TTLL11: variants seen among roughly 807,000 people sequenced by gnomAD.
The protein encoded by TTLL11 is tubulin tyrosine ligase like 11.
TTLL11 carries 42 observed loss-of-function variants against 51.7 expected under a neutral mutation model. The ratio of observed to expected loss-of-function variants is 0.81; its 90% CI spans 0.64 to 1.05. TTLL11 has a LOEUF of 1.05. Among genes scored for constraint, TTLL11 ranks in the 50% least tolerant of loss-of-function variants. The pLI is 0.00. For synonymous variants in TTLL11, 381 were observed against 383.5 expected, an observed-to-expected ratio of 0.99 and a Z score of 0.08; for missense variants, 799 against 940.4, an observed-to-expected ratio of 0.85 and a Z score of 1.97.
chr9:121,970,927 T>A (rs558208384), intron 6 of TTLL11, among the ~76,000 whole-genome samples: 1 of 152,348 alleles, frequency 6.6e-6, no homozygotes, highest in African/African-American at 2.4e-5. Context: ...CTAGTCACAA[T>A]AGCAAAGACT....
At chr9:122,039,054 T>C (rs1844774398) in intron 2 of TTLL11, among the ~76,000 whole-genome samples, 1 of 152,218 alleles carries the variant, frequency 6.6e-6, no homozygotes, top group African/African-American at 2.4e-5. Flanking sequence ...GTGGAAACCA[T>C]GTTCTTCCAC....
At chr9:121,885,435 G>C (rs1838973935) in intron 6 of TTLL11, 1 of 152,228 alleles carries the variant, frequency 6.6e-6, no homozygotes, top group East Asian at 1.9e-4. Flanking sequence ...AACCACAAAG[G>C]CTGTGGGGTC....
At chr9:121,957,050 A>G (rs7862975) in intron 6 of TTLL11, among the ~76,000 whole-genome samples, 48,828 of 151,950 alleles carry the variant, frequency 0.32, 8,103 homozygotes, top group Middle Eastern at 0.36. Flanking sequence ...TGCCCTCCCC[A>G]CTGCATGTTG....
chr9:121,838,738 AAGAAAGAG>A (rs1837254022), intron 8 of TTLL11, among the ~76,000 whole-genome samples: 1 of 150,898 alleles, frequency 6.6e-6, no homozygotes, highest in African/African-American at 2.5e-5. Flanking sequence ...AAAAGAAAGA[AAGAAAGAG>A]AGAAAGAAAG....
chr9:121,989,036 G>T lies in TTLL11; in HGVS notation c.1269+159C>A. ...CACACAGGGAGCAAACAGAAAGCTT[G>T]GAAGTTGGGCCCAGGTTTAACACCC... is the stretch of plus-strand genomic sequence containing the variant. On this transcript the variant is annotated intron_variant, in intron 4 of 8. Coordinates refer to ENST00000321582, the MANE Select transcript of TTLL11 (RefSeq NM_001139442.2). This position sits in a 1 kb window ranked among gnomAD's most constrained non-coding sequence, Gnocchi z 4.2. 1 of 1,495,526 alleles carries T rather than the reference G, an allele frequency of 6.7e-7. No individual in the cohort carries two copies. The highest frequency in any genetic ancestry group is 8.9e-7 in the Non-Finnish European group (1 of 1,122,462). 92.6% of individuals were successfully genotyped at this position (1,495,526 alleles called of 1,614,324 possible). A position where few individuals can be genotyped will look rare whatever the true frequency, so the allele number is the denominator to read the frequency against.
intron 6 of TTLL11, among the ~76,000 whole-genome samples, chr9:121,959,881 T>C (rs929095372): frequency 2.6e-5 from 4 of 152,004 alleles, no homozygotes; most frequent in Non-Finnish European, 4.4e-5. Flanking sequence ...GTGATCTGTA[T>C]TATACATTGG....
At chr9:122,085,932 TACA>T (rs1846110996) in intron 1 of TTLL11, among the ~76,000 whole-genome samples, 1 of 152,204 alleles carries the variant, frequency 6.6e-6, no homozygotes, top group African/African-American at 2.4e-5. Flanking sequence ...AACTACAAAA[TACA>T]ACACTTCCCC....
rs373659371 is a variant in TTLL11 at position 121,916,714 on chromosome 9, T to C, written c.1482-45966A>G. On this transcript the variant is annotated intron_variant, in intron 6 of 8. Transcript: ENST00000321582. ...CCAGCTTGAAGGAATCATGAGCACA[T>C]GTCAGGCTCGAGGACAGCTACCCAC... Among the ~76,000 whole-genome samples, 10 of 152,196 alleles carry C rather than the reference T, an allele frequency of 6.6e-5. No homozygotes were observed. The East Asian group carries it at 1.9e-3, about 29-fold the overall frequency.
At chr9:122,034,064 C>T (rs1025960122) in intron 2 of TTLL11, among the ~76,000 whole-genome samples, 5 of 152,226 alleles carry the variant, frequency 3.3e-5, no homozygotes, top group African/African-American at 1.2e-4. Context: ...CCGTATTGAA[C>T]TGAAAGCCTT....
intron 1 of TTLL11, among the ~76,000 whole-genome samples, chr9:122,085,156 A>T (rs560303890): frequency 6.6e-6 from 1 of 152,262 alleles, no homozygotes; most frequent in South Asian, 2.1e-4. Context: ...GCTACTCAGG[A>T]GGCTGAGGCA....
intron 7 of TTLL11, among the ~76,000 whole-genome samples, chr9:121,865,558 G>A (rs1306920414): frequency 1.3e-5 from 2 of 152,002 alleles, no homozygotes; most frequent in East Asian, 1.9e-4. Flanking sequence ...ATTTTCCTTC[G>A]TGAATTACAT....
At chr9:122,086,830 TA>T (rs1846140228) in intron 1 of TTLL11, among the ~76,000 whole-genome samples, 1 of 152,252 alleles carries the variant, frequency 6.6e-6, no homozygotes, top group Admixed American at 6.5e-5. Context: ...TAGAGAATCA[TA>T]AAACACTTAA....
intron 6 of TTLL11, among the ~76,000 whole-genome samples, chr9:121,920,056 C>T (rs1002576679): frequency 6.6e-6 from 1 of 151,762 alleles, no homozygotes; most frequent in African/African-American, 2.4e-5. Flanking sequence ...CACTCAAGCA[C>T]TTTGGGAGAC....
chr9:121,924,762 C>CTTTT (rs762402616), intron 6 of TTLL11, among the ~76,000 whole-genome samples: 1 of 139,398 alleles, frequency 7.2e-6, no homozygotes, highest in Non-Finnish European at 1.6e-5. Context: ...ATAACAAGCA[C>CTTTT]TTTTTTTTTT....
intron 8 of TTLL11, among the ~76,000 whole-genome samples, chr9:121,843,706 C>T (rs143184150): frequency 0.026 from 3,898 of 152,008 alleles, 107 homozygotes; most frequent in African/African-American, 0.073. Flanking sequence ...AGGGTCTTGC[C>T]CTGTCACCCA....
intron 3 of TTLL11, among the ~76,000 whole-genome samples, chr9:122,019,642 G>C (rs12348870): frequency 0.044 from 6,696 of 152,142 alleles, 175 homozygotes; most frequent in African/African-American, 0.074. Context: ...GTAGAGACAG[G>C]GTTTCGTCAT....
chr9:122,058,273 T>C (rs1411361275), intron 1 of TTLL11, among the ~76,000 whole-genome samples: 2 of 152,154 alleles, frequency 1.3e-5, no homozygotes, highest in African/African-American at 2.4e-5. Context: ...GCTAGAGGAA[T>C]TAATGGCATG....
intron 3 of TTLL11, among the ~76,000 whole-genome samples, chr9:122,022,274 C>T (rs1230516091): frequency 6.6e-6 from 1 of 151,868 alleles, no homozygotes; most frequent in African/African-American, 2.4e-5. Context: ...GGTCCAAAAG[C>T]TCAATGAGAA....
intron 1 of TTLL11, among the ~76,000 whole-genome samples, chr9:122,071,671 T>C (rs1363417146): frequency 6.6e-6 from 1 of 152,154 alleles, no homozygotes; most frequent in Non-Finnish European, 1.5e-5. Flanking sequence ...ACAAAGATTG[T>C]GTGACCAGGG....
Sources: allele counts gnomAD v4.1 joint callset (sites outside exome capture counted in the v4.1 genomes callset), GRCh38; gene constraint gnomAD v4.1.1; non-coding constraint Gnocchi (gnomAD v3.1); transcripts MANE v1.5; gene names NCBI Gene and HGNC (gene_info 2026-07-23, HGNC 2026-07-21).